Variants in WWOX observed in about 807,000 individuals in gnomAD.
The protein encoded by WWOX is WW domain-containing oxidoreductase.
WWOX carries 69 observed loss-of-function variants against 46.2 expected under a neutral mutation model. That is an observed-to-expected ratio of 1.49 (90% confidence interval 1.23 to 1.82). The LOEUF (loss-of-function observed/expected upper bound fraction) is 1.82. WWOX is among the 40% of genes most tolerant of loss of function. The pLI is 0.00. For missense variants in WWOX, 919 were observed against 542.6 expected (o/e 1.69, Z -6.89); for synonymous variants, 359 against 202.6 (o/e 1.77, Z -6.56).
chr16:78,680,099 A>C (rs2142229733), intron 8 of WWOX, among the ~76,000 whole-genome samples: 1 of 152,326 alleles, frequency 6.6e-6, no homozygotes, highest in East Asian at 1.9e-4. Flanking sequence ...ACAGGCTTAG[A>C]GTGAAGTTTA....
At chr16:78,128,500 G>T (rs1295569202) in intron 4 of WWOX, among the ~76,000 whole-genome samples, 1 of 152,152 alleles carries the variant, frequency 6.6e-6, no homozygotes, top group Non-Finnish European at 1.5e-5. Context: ...ATTTCTTCCT[G>T]CTTGCCTTAA....
intron 8 of WWOX, among the ~76,000 whole-genome samples, chr16:78,921,502 A>C (rs1305241351): frequency 6.6e-6 from 1 of 151,602 alleles, no homozygotes; most frequent in Non-Finnish European, 1.5e-5. Context: ...TGCCATTTTC[A>C]AAGACCTTTC....
At chr16:78,262,589 C>T (rs766800689) in intron 5 of WWOX, among the ~76,000 whole-genome samples, 11 of 152,132 alleles carry the variant, frequency 7.2e-5, no homozygotes, top group Non-Finnish European at 1.3e-4. Flanking sequence ...TACCATCCAG[C>T]ATATAAGGCA....
intron 4 of WWOX, among the ~76,000 whole-genome samples, chr16:78,162,184 G>A (rs1380069023): frequency 1.3e-5 from 2 of 152,038 alleles, no homozygotes; most frequent in African/African-American, 4.8e-5. Context: ...TAAAATTTTT[G>A]TTCTCTGCCT....
intron 5 of WWOX, among the ~76,000 whole-genome samples, chr16:78,313,581 G>C (rs1275869803): frequency 6.6e-6 from 1 of 152,142 alleles, no homozygotes; most frequent in Non-Finnish European, 1.5e-5. Context: ...GGTCAGGCTG[G>C]CCTCAAACTC....
At chr16:78,753,825 AATAT>A (rs1159243014) in intron 8 of WWOX, among the ~76,000 whole-genome samples, 689 of 21,262 alleles carry the variant, frequency 0.032, 34 homozygotes, top group Middle Eastern at 0.056. Context: ...AAAAAAAAAA[AATAT>A]ATATATATAT....
chr16:78,974,116 C>T (rs986849215), intron 8 of WWOX, among the ~76,000 whole-genome samples: 8 of 152,194 alleles, frequency 5.3e-5, no homozygotes, highest in African/African-American at 9.7e-5. Context: ...CTCATTTCTG[C>T]GCTTGAAAGT....
intron 8 of WWOX, among the ~76,000 whole-genome samples, chr16:78,987,095 A>G (rs556039068): frequency 7.2e-5 from 11 of 152,300 alleles, no homozygotes; most frequent in African/African-American, 2.6e-4. Flanking sequence ...TTTAAGGAGA[A>G]CTAACTTGCC....
At chr16:78,562,622 G>A (rs918014549) in intron 8 of WWOX, among the ~76,000 whole-genome samples, 2 of 152,196 alleles carry the variant, frequency 1.3e-5, no homozygotes, top group African/African-American at 2.4e-5. Context: ...GGAGAGGCCT[G>A]TTTCCATACA....
chr16:79,039,912 C>G (rs1054807343), intron 8 of WWOX, among the ~76,000 whole-genome samples: 1 of 152,218 alleles, frequency 6.6e-6, no homozygotes, highest in Non-Finnish European at 1.5e-5. Flanking sequence ...GGGCTCCATG[C>G]CATCCTGGGG....
At chr16:78,388,785 C>G (rs1032604511) in intron 6 of WWOX, among the ~76,000 whole-genome samples, 1 of 150,634 alleles carries the variant, frequency 6.6e-6, no homozygotes, top group African/African-American at 2.4e-5. Context: ...GCCTGGGCAA[C>G]AAGGTAAAAC....
At chr16:78,782,406 G>C (rs544941016) in intron 8 of WWOX, among the ~76,000 whole-genome samples, 2 of 152,292 alleles carry the variant, frequency 1.3e-5, no homozygotes, top group East Asian at 3.9e-4. Flanking sequence ...CTAGGAGAAA[G>C]GTAGAGCTCT....
At chr16:78,390,834 A>G (rs149030634) in intron 6 of WWOX, among the ~76,000 whole-genome samples, 188 of 152,290 alleles carry the variant, frequency 1.2e-3, no homozygotes, top group African/African-American at 4.2e-3. Context: ...TTCAGAACCA[A>G]TCTCTTTTCA....
intron 8 of WWOX, among the ~76,000 whole-genome samples, chr16:78,620,442 A>T (rs779271048): frequency 1.9e-4 from 29 of 152,192 alleles, no homozygotes; most frequent in Admixed American, 7.2e-4. Context: ...GGGACATTCA[A>T]GGCCGAAACT....
At chr16:78,227,761 C>A (rs1014013875) in intron 5 of WWOX, among the ~76,000 whole-genome samples, 1 of 152,046 alleles carries the variant, frequency 6.6e-6, no homozygotes, top group Non-Finnish European at 1.5e-5. Flanking sequence ...CCTGTAATCC[C>A]AGCTACTTGG....
intron 8 of WWOX, among the ~76,000 whole-genome samples, chr16:78,705,538 G>T (rs2048311454): frequency 6.6e-6 from 1 of 152,180 alleles, no homozygotes. Flanking sequence ...AGAAGTGCTG[G>T]CTCTGCTCTT....
chr16:78,150,305 G>T (rs2034357202), intron 4 of WWOX, among the ~76,000 whole-genome samples: 1 of 152,160 alleles, frequency 6.6e-6, no homozygotes, highest in African/African-American at 2.4e-5. Context: ...CCCCCTCCCG[G>T]CATGCCCCTC....
At chr16:78,385,613 A>G (rs572818229) in intron 5 of WWOX, among the ~76,000 whole-genome samples, 1 of 152,262 alleles carries the variant, frequency 6.6e-6, no homozygotes, top group East Asian at 1.9e-4. Flanking sequence ...ACCAGCTGCA[A>G]TTACGCTGAA....
intron 5 of WWOX, among the ~76,000 whole-genome samples, chr16:78,285,006 T>A (rs1372030506): frequency 2.0e-5 from 3 of 152,216 alleles, no homozygotes; most frequent in African/African-American, 4.8e-5. Context: ...TAGGCATGCA[T>A]GTAATGATGA....
Sources: allele counts gnomAD v4.1 joint callset (sites outside exome capture counted in the v4.1 genomes callset), GRCh38; gene constraint gnomAD v4.1.1; transcripts MANE v1.5; gene names NCBI Gene and HGNC (gene_info 2026-07-23, HGNC 2026-07-21).